The following VAV3 variants were observed in gnomAD, a reference collection of about 807,000 sequenced individuals.
VAV3 encodes guanine nucleotide exchange factor VAV3.
A neutral mutation model predicts 131.2 loss-of-function variants in VAV3; 94 were observed. The observed-to-expected ratio is 0.72, with a 90% CI of 0.61 to 0.85. The LOEUF (loss-of-function observed/expected upper bound fraction) is 0.85. Ranked by LOEUF, VAV3 falls within the 40% of genes least tolerant of loss-of-function variation. VAV3 has a pLI of 0.00. For missense variants in VAV3, 939 were observed against 1,002.7 expected (o/e 0.94, Z 0.86); for synonymous variants, 349 against 342.0 (o/e 1.02, Z -0.22).
At chr1:107,945,605 T>C (rs496737) in intron 1 of VAV3, among the ~76,000 whole-genome samples, 144,394 of 152,044 alleles carry the variant, frequency 0.95, 68,979 homozygotes, top group East Asian at 1. Flanking sequence ...GAGCGGACTA[T>C]CTGAGGTCAA....
chr1:107,630,381 A>ATGGATGGATGGATG (rs1340543081), intron 20 of VAV3, among the ~76,000 whole-genome samples: 3 of 79,324 alleles, frequency 3.8e-5, no homozygotes, highest in Non-Finnish European at 8.8e-5. Context: ...ATGGATGGAT[A>ATGGATGGATGGATG]GGAGCCACTA....
chr1:107,780,054 T>C (rs1665606306), intron 2 of VAV3, among the ~76,000 whole-genome samples: 3 of 152,222 alleles, frequency 2.0e-5, no homozygotes, highest in South Asian at 4.1e-4. Flanking sequence ...CAGGTGAGAC[T>C]GTGGGCGGGC....
intron 19 of VAV3, among the ~76,000 whole-genome samples, chr1:107,663,898 A>C (rs1008228816): frequency 3.3e-5 from 5 of 152,180 alleles, no homozygotes; most frequent in Non-Finnish European, 7.3e-5. Flanking sequence ...TCTGTGTTCT[A>C]TGATGCTGTG....
chr1:107,720,216 AT>A (rs1488181473), intron 15 of VAV3, among the ~76,000 whole-genome samples: 2 of 151,750 alleles, frequency 1.3e-5, no homozygotes, highest in African/African-American at 2.4e-5. Context: ...TAATAAAAAA[AT>A]AAAAATAAAT....
intron 2 of VAV3, among the ~76,000 whole-genome samples, chr1:107,797,832 A>G (rs1360541131): frequency 6.6e-6 from 1 of 152,178 alleles, no homozygotes; most frequent in African/African-American, 2.4e-5. Context: ...CTGCACCAAT[A>G]CCACCTGGAG....
rs540442447 is a variant in VAV3 at position 107,681,956 on chromosome 1, A to G, written c.1777+1532T>C. On this transcript the variant is annotated intron_variant, in intron 19 of 26. Coordinates refer to ENST00000370056, the MANE Select transcript of VAV3 (RefSeq NM_006113.5). ...ATTACAGGCGTGAGCCACTGCACCC[A>G]GCCACGTATGTTCTTACAAACATAA... is the stretch of plus-strand genomic sequence containing the variant. Among the ~76,000 whole-genome samples the G allele has an allele frequency of 1.9e-3, 293 of 152,302 alleles. 1 individual carries two copies. The highest frequency in any genetic ancestry group is 2.8e-3 in the Non-Finnish European group (188 of 68,036).
At chr1:107,602,373 T>C (rs768733946) in intron 24 of VAV3, 24 bp downstream of exon 24, 2 of 1,466,450 alleles carry the variant, frequency 1.4e-6, no homozygotes, top group South Asian at 2.6e-5. Flanking sequence ...GATCCCAGAT[T>C]GAAAAGAAAT....
At chr1:107,700,763 G>A (rs963975254) in intron 17 of VAV3, among the ~76,000 whole-genome samples, 9 of 152,130 alleles carry the variant, frequency 5.9e-5, no homozygotes, top group Non-Finnish European at 7.4e-5. Context: ...GTGAACATAC[G>A]CATGCATGTA....
At chr1:107,826,939 TAAA>T (rs997546492) in intron 2 of VAV3, among the ~76,000 whole-genome samples, 1 of 152,114 alleles carries the variant, frequency 6.6e-6, no homozygotes, top group East Asian at 1.9e-4. Flanking sequence ...TTTTTTATAT[TAAA>T]AAGATAATAT....
intron 2 of VAV3, among the ~76,000 whole-genome samples, chr1:107,836,897 T>C (rs1668503411): frequency 6.6e-6 from 1 of 151,804 alleles, no homozygotes; most frequent in Admixed American, 6.6e-5. Flanking sequence ...AGTAACACAT[T>C]CTGAAATTGA....
At chr1:107,840,103 C>T (rs114596686) in intron 2 of VAV3, among the ~76,000 whole-genome samples, 7,977 of 152,230 alleles carry the variant, frequency 0.052, 396 homozygotes, top group African/African-American at 0.13. Context: ...ATATAATCCA[C>T]AATTTCTTCC....
Position 107,574,027 on chromosome 1 carries a change from C to T in VAV3, c.2502+20G>A. ...TCCCCTTCTTTCACATGCACCAGCA[C>T]ATCGAGAGGGCCAACTTACCCTGCC... On this transcript the variant is annotated intron_variant, in intron 26 of 26. Coordinates refer to ENST00000370056, the MANE Select transcript of VAV3 (RefSeq NM_006113.5). 1.2e-6 allele frequency: 2 copies of T among 1,612,256 alleles called. No individual in the cohort carries two copies. The highest frequency in any genetic ancestry group is 1.7e-6 in the Non-Finnish European group (2 of 1,179,062).
intron 1 of VAV3, among the ~76,000 whole-genome samples, chr1:107,923,341 A>C (rs935699846): frequency 6.6e-6 from 1 of 152,104 alleles, no homozygotes; most frequent in Non-Finnish European, 1.5e-5. Flanking sequence ...CCCACCCTAA[A>C]TTCATAAGTT....
chr1:107,760,973 G>C, intron 9 of VAV3, 94 bp from the exon 10 acceptor site: 1 of 718,846 alleles, frequency 1.4e-6, no homozygotes, highest in Non-Finnish European at 2.3e-6. Context: ...CAATAAATGA[G>C]TGCGTTTGTT....
At chr1:107,604,288 G>A (rs747062212) in intron 22 of VAV3, among the ~76,000 whole-genome samples, 2 of 151,802 alleles carry the variant, frequency 1.3e-5, no homozygotes, top group African/African-American at 2.4e-5. Context: ...CATTTAAAAC[G>A]CACATGACAG....
chr1:107,952,207 G>T (rs547347565), intron 1 of VAV3, among the ~76,000 whole-genome samples: 4 of 151,876 alleles, frequency 2.6e-5, no homozygotes, highest in Non-Finnish European at 5.9e-5. Context: ...ACTAACGCAG[G>T]AACAGAAAAC....
At chr1:107,799,756 G>A (rs1666737186) in intron 2 of VAV3, among the ~76,000 whole-genome samples, 1 of 152,108 alleles carries the variant, frequency 6.6e-6, no homozygotes, top group Admixed American at 6.5e-5. Context: ...GCTAACTACA[G>A]TCACTTTAGT....
At chr1:107,879,857 G>A (rs1038355989) in intron 1 of VAV3, among the ~76,000 whole-genome samples, 3 of 152,128 alleles carry the variant, frequency 2.0e-5, no homozygotes, top group Non-Finnish European at 2.9e-5. Flanking sequence ...TATAAGAGTT[G>A]CCAAGTAAGG....
rs561072695 is a variant in VAV3 at position 107,914,181 on chromosome 1, G to C, written c.205-39164C>G. Among the ~76,000 whole-genome samples the C allele has an allele frequency of 1.9e-3, 292 of 152,292 alleles. 3 individuals carry two copies. Among genetic ancestry groups the C allele is most frequent in the African/African-American group, 6.9e-3 (288 of 41,562 alleles). On this transcript the variant is annotated intron_variant, in intron 1 of 26. Transcript: ENST00000370056. ...GATGACAGACAGATGAATGTAAATG[G>C]CTAATGAGTACAGAAATCCCAGCAA...
Sources: gnomAD v4.1 joint callset for allele counts (sites outside exome capture counted in the v4.1 genomes callset) on GRCh38, gnomAD v4.1.1 for gene constraint, MANE v1.5 for transcripts, NCBI Gene and HGNC (gene_info 2026-07-23, HGNC 2026-07-21) for gene names.